SSTR3: variants seen among roughly 807,000 people sequenced by gnomAD.
SSTR3 encodes somatostatin receptor 3.
For missense variants in SSTR3, 504 were observed against 604.7 expected (o/e 0.83, Z 1.75); for synonymous variants, 281 against 269.2 (o/e 1.04, Z -0.43).
intron 1 of SSTR3, 113 bp from the exon 2 acceptor site, chr22:37,207,952 A>G: frequency 7.4e-7 from 1 of 1,343,040 alleles, no homozygotes; most frequent in Non-Finnish European, 9.5e-7. Flanking sequence ...CCATCGTCTG[A>G]GAGATTTCAG....
chr22:37,210,624 T>C (rs1926134236), intron 1 of SSTR3: 1 of 985,446 alleles, frequency 1.0e-6, no homozygotes, highest in Non-Finnish European at 1.2e-6. Context: ...GAGGGACTTT[T>C]CCTCCCTGTC....
At chr22:37,212,612 G>A (rs560295730), upstream of SSTR3, among the ~76,000 whole-genome samples, 81 of 152,250 alleles carry the variant, frequency 5.3e-4, no homozygotes, top group African/African-American at 1.8e-3. Flanking sequence ...ACCCACGCCC[G>A]CTGGCCTTGG....
rs745309656 is a variant in SSTR3 at position 37,206,780 on chromosome 22, C to G, written c.1024G>C (p.Val342Leu). ...SRRVRSQEPTVGPPEKTEEED... is the reference protein window; with the variant it reads ...SRRVRSQEPTLGPPEKTEEED... The stretch of plus-strand genomic sequence containing the variant: ...TCCTCAGTCTTCTCCGGGGGCCCCA[C>G]AGTGGGCTCCTGGCTGCGCACACGG... The change falls in exon 2 of 2, where the codon GTG (valine) becomes CTG (leucine). Residue 342 changes from valine (V) to leucine (L), a missense_variant. By Grantham distance (32) the Val-to-Leu change is conservative. Coordinates refer to ENST00000610913, the MANE Select transcript of SSTR3 (RefSeq NM_001051.5). 2.5e-6 allele frequency: 4 copies of G among 1,611,468 alleles called. No individual in the cohort carries two copies. The Admixed American group carries it at 6.7e-5, about 27-fold the overall frequency.
the SSTR3 span, among the ~76,000 whole-genome samples, chr22:37,220,050 C>G: frequency 0.19 from 28,817 of 152,162 alleles, 3,165 homozygotes; most frequent in African/African-American, 0.3. Context: ...GCAGGTCCTT[C>G]TGTGTGTTTG....
chr22:37,216,913 A>T (rs565419313), upstream of SSTR3, among the ~76,000 whole-genome samples: 75 of 152,010 alleles, frequency 4.9e-4, no homozygotes, highest in African/African-American at 1.8e-3. Context: ...CGATCTTCTC[A>T]CCTCAGCCTC....
the SSTR3 span, among the ~76,000 whole-genome samples, chr22:37,217,498 G>A: frequency 6.6e-6 from 1 of 151,782 alleles, no homozygotes; most frequent in African/African-American, 2.4e-5. Flanking sequence ...ATTTCCTTCT[G>A]TAACTCCTAT....
chr22:37,213,496 A>G (rs1174904479), upstream of SSTR3, among the ~76,000 whole-genome samples: 1 of 152,016 alleles, frequency 6.6e-6, no homozygotes, highest in African/African-American at 2.4e-5. Flanking sequence ...GAGAACTGGA[A>G]GTTGAATGCA....
At chr22:37,219,171 T>C in the SSTR3 span, among the ~76,000 whole-genome samples, 86,528 of 152,052 alleles carry the variant, frequency 0.57, 24,914 homozygotes, top group Non-Finnish European at 0.61. Flanking sequence ...AGCGAGGAGG[T>C]GGGGGTGGAA....
At chr22:37,212,705 A>C (rs1244380454), upstream of SSTR3, among the ~76,000 whole-genome samples, 1 of 152,152 alleles carries the variant, frequency 6.6e-6, no homozygotes, top group East Asian at 1.9e-4. Flanking sequence ...GCAGCTCGTG[A>C]GGCCACTGCG....
chr22:37,211,695 T>C, intron 1 of SSTR3, 130 bp downstream of exon 1: 1 of 941,388 alleles, frequency 1.1e-6, no homozygotes, highest in Non-Finnish European at 1.3e-6. Context: ...CAGGAAGGCC[T>C]CCCTCCTGCC....
At chr22:37,219,164 G>A in the SSTR3 span, among the ~76,000 whole-genome samples, 2 of 152,204 alleles carry the variant, frequency 1.3e-5, no homozygotes, top group Non-Finnish European at 2.9e-5. Context: ...GCTTTTCAGC[G>A]AGGAGGTGGG....
In SSTR3 at chr22:37,207,175, G is replaced by A. The variant is rs754171994; in HGVS notation, c.629C>T (p.Thr210Met). ...AAWRAGFIIY[T>M]AALGFFGPLL... ...CGGCCCGAAGAAGCCCAGTGCGGCC[G>A]TGTAGATGATGAAGCCGGCTCGCCA... The change falls in exon 2 of 2, where the codon ACG becomes ATG. Residue 210 changes from threonine to methionine, a missense_variant. Physicochemically the swap from Thr to Met is moderately conservative, Grantham distance 81. Coordinates refer to ENST00000610913, the MANE Select transcript of SSTR3 (RefSeq NM_001051.5). The A allele has an allele frequency of 1.1e-4, 183 of 1,612,150 alleles. No individual in the cohort carries two copies. Among genetic ancestry groups the A allele is most frequent in the Middle Eastern group, 3.3e-4 (2 of 6,078 alleles).
At chr22:37,215,901 A>T (rs191594016), upstream of SSTR3, 219 of 262,770 alleles carry the variant, frequency 8.3e-4, no homozygotes, top group Non-Finnish European at 9.4e-4. Flanking sequence ...GTGGCGAGAA[A>T]CGGAGTCAAC....
Position 37,206,212 on chromosome 22 carries a change from T to G in SSTR3, c.*335A>C. On this transcript the variant is annotated 3_prime_UTR_variant, in exon 2 of 2. Coordinates refer to ENST00000610913, the MANE Select transcript of SSTR3 (RefSeq NM_001051.5). ...CTCTGAGGGCCAAGATTCTAGTTGA[T>G]GCCCCAAGACACTCCATCCCTGGGG... 4.0e-6 allele frequency: 1 copy of G among 249,048 alleles called. No individual in the cohort carries two copies. Among genetic ancestry groups the G allele is most frequent in the Non-Finnish European group, 7.6e-6 (1 of 131,710 alleles). The allele number at this position is 249,048 out of a possible 1,614,324, so 15.4% of individuals were successfully genotyped here. A position where few individuals can be genotyped will look rare whatever the true frequency, so the allele number is the denominator to read the frequency against.
intron 1 of SSTR3, among the ~76,000 whole-genome samples, chr22:37,209,055 C>A (rs1308905285): frequency 6.6e-6 from 1 of 152,198 alleles, no homozygotes; most frequent in Non-Finnish European, 1.5e-5. Flanking sequence ...TGGCTCCTGG[C>A]TGTCCTTGGA....
At chr22:37,214,426 A>G (rs1926349347), upstream of SSTR3, among the ~76,000 whole-genome samples, 1 of 152,192 alleles carries the variant, frequency 6.6e-6, no homozygotes, top group Non-Finnish European at 1.5e-5. Flanking sequence ...TTTAATCCTT[A>G]TCTTCCTAGT....
chr22:37,210,545 C>T, intron 1 of SSTR3: 1 of 985,524 alleles, frequency 1.0e-6, no homozygotes. Context: ...TAAGCCAGAC[C>T]TGCAATTGAG....
chr22:37,206,973 G>A lies in SSTR3; in HGVS notation c.831C>T (p.Asn277=). Residue 277 remains asparagine (N), a synonymous_variant, in exon 2 of 2, where the codon AAC becomes AAT. Transcript: ENST00000610913. ...VLCWMPFYVL[N]IVNVVCPLPE... The stretch of plus-strand genomic sequence containing the variant: ...GCAGTGGGCACACCACGTTGACGAT[G>A]TTGAGCACGTAGAAGGGCATCCAGC... The A allele has an allele frequency of 6.2e-7, 1 of 1,612,420 alleles. No individual in the cohort carries two copies. Among genetic ancestry groups the A allele is most frequent in the Non-Finnish European group, 8.5e-7 (1 of 1,179,262 alleles).
chr22:37,207,730 TCTG>T lies in SSTR3; in HGVS notation c.71_73del (p.Pro24_Asp25delinsHis). ...CGCCGACACGTTGCCCAGGGTGGCATCTGGGGGCCAGGCCGAGGAGGCATTCTC... is the reference window on the plus strand; with the variant it reads ...CGCCGACACGTTGCCCAGGGTGGCATGGGGCCAGGCCGAGGAGGCATTCTC... On this transcript the variant is annotated inframe_deletion, in exon 2 of 2. Coordinates refer to ENST00000610913, the MANE Select transcript of SSTR3 (RefSeq NM_001051.5). 6.5e-7 allele frequency: 1 copy of T among 1,529,686 alleles called. No individual in the cohort carries two copies. Among genetic ancestry groups the T allele is most frequent in the Non-Finnish European group, 8.8e-7 (1 of 1,138,718 alleles). The allele number at this position is 1,529,686 out of a possible 1,614,324, so 94.8% of individuals were successfully genotyped here.
Sources: allele counts gnomAD v4.1 joint callset (sites outside exome capture counted in the v4.1 genomes callset), GRCh38; gene constraint gnomAD v4.1.1; transcripts MANE v1.5; gene names NCBI Gene and HGNC (gene_info 2026-07-23, HGNC 2026-07-21).